Variants in HOMER1 observed in about 807,000 individuals in gnomAD.
The protein encoded by HOMER1 is homer protein homolog 1.
A neutral mutation model predicts 48.9 loss-of-function variants in HOMER1; 3 were observed. The observed-to-expected ratio is 0.06, with a 90% CI of 0.03 to 0.16. The LOEUF (loss-of-function observed/expected upper bound fraction) is 0.16, where lower values mean the gene tolerates loss of function less well. HOMER1 is among the 10% of genes least tolerant of loss of function. The probability of loss-of-function intolerance (pLI) is 1.00; values close to 1 mark genes in which losing one functional copy is unlikely to be tolerated. For synonymous variants in HOMER1, 134 were observed against 146.4 expected (o/e 0.92, Z 0.61); for missense variants, 247 against 411.4 (o/e 0.60, Z 3.46).
intron 8 of HOMER1, among the ~76,000 whole-genome samples, chr5:79,387,529 C>T (rs1749149056): frequency 6.6e-6 from 1 of 152,204 alleles, no homozygotes; most frequent in South Asian, 2.1e-4. Flanking sequence ...TGTATTATTG[C>T]CCTATAAGAC....
intron 5 of HOMER1, among the ~76,000 whole-genome samples, chr5:79,422,252 A>G (rs984852334): frequency 6.6e-6 from 1 of 152,030 alleles, no homozygotes; most frequent in African/African-American, 2.4e-5. Flanking sequence ...AAAAAAATCA[A>G]CATGACTGTG....
rs191452313 is a variant in HOMER1 at position 79,394,455 on chromosome 5, G to A, written c.876+2368C>T. 7.9e-5 allele frequency among the ~76,000 whole-genome samples: 12 copies of A among 152,252 alleles called. No individual in the cohort carries two copies. In the East Asian group the frequency reaches 1.5e-3, roughly 20 times the overall value. On this transcript the variant is annotated intron_variant, in intron 8 of 8. Coordinates refer to ENST00000334082, the MANE Select transcript of HOMER1 (RefSeq NM_004272.5). ...GGTTTTCTAAAAGCTTCCCTGTCCT[G>A]TTCTAGGTAGGTTGTTTTGATAATA...
intron 1 of HOMER1, among the ~76,000 whole-genome samples, chr5:79,479,805 T>C (rs975724464): frequency 1.3e-5 from 2 of 149,612 alleles, no homozygotes; most frequent in African/African-American, 5.1e-5. Flanking sequence ...AAAATTATTC[T>C]AAATTCTATT....
intron 1 of HOMER1, among the ~76,000 whole-genome samples, chr5:79,465,498 C>G (rs1469170625): frequency 6.8e-6 from 1 of 147,466 alleles, no homozygotes; most frequent in African/African-American, 2.5e-5. Context: ...AAGAAAATAT[C>G]AAATCTAAAA....
chr5:79,409,297 T>C (rs1369462566), intron 5 of HOMER1, among the ~76,000 whole-genome samples: 2 of 151,824 alleles, frequency 1.3e-5, no homozygotes, highest in Non-Finnish European at 2.9e-5. Context: ...CCAGGCATGG[T>C]GGTGAATACC....
At chr5:79,442,832 A>T (rs948651375) in intron 4 of HOMER1, among the ~76,000 whole-genome samples, 1 of 152,200 alleles carries the variant, frequency 6.6e-6, no homozygotes, top group African/African-American at 2.4e-5. Flanking sequence ...ACGATACATA[A>T]AGGAAGATGA....
chr5:79,481,304 C>T (rs755557141), intron 1 of HOMER1, among the ~76,000 whole-genome samples: 1 of 152,134 alleles, frequency 6.6e-6, no homozygotes, highest in Non-Finnish European at 1.5e-5. Flanking sequence ...ATAACTAAAA[C>T]ACTAGACAAA....
intron 8 of HOMER1, among the ~76,000 whole-genome samples, chr5:79,391,192 C>T (rs537910737): frequency 4.7e-5 from 7 of 148,262 alleles, no homozygotes; most frequent in Admixed American, 1.3e-4. Context: ...TGCTAAAGTG[C>T]CATGGCACAA....
At chr5:79,467,997 C>T (rs1361310497) in intron 1 of HOMER1, among the ~76,000 whole-genome samples, 1 of 152,128 alleles carries the variant, frequency 6.6e-6, no homozygotes, top group East Asian at 1.9e-4. Flanking sequence ...TGGTCTCAAA[C>T]TCCTGGGCTC....
rs936127522 is a variant in HOMER1 at position 79,483,556 on chromosome 5, A to C, written c.6-26538T>G. Among the ~76,000 whole-genome samples the C allele has an allele frequency of 5.3e-5, 8 of 152,206 alleles. No individual in the cohort carries two copies. In the East Asian group the frequency reaches 1.5e-3, roughly 29 times the overall value. Reference sequence around the variant, plus strand: ...ATAAAGATTTTCTCAGACATACAAAAGCTGAAAGAATCCATCATTAGTGGA... The same window carrying C: ...ATAAAGATTTTCTCAGACATACAAACGCTGAAAGAATCCATCATTAGTGGA... On this transcript the variant is annotated intron_variant, in intron 1 of 8. Transcript: ENST00000334082.
At chr5:79,497,650 C>CTCTG (rs1752464344) in intron 1 of HOMER1, among the ~76,000 whole-genome samples, 1 of 141,134 alleles carries the variant, frequency 7.1e-6, no homozygotes, top group South Asian at 2.3e-4. Context: ...CAGAGTAAGG[C>CTCTG]TCTGTCTCAA....
intron 1 of HOMER1, among the ~76,000 whole-genome samples, chr5:79,489,081 C>T (rs1408713413): frequency 1.3e-5 from 2 of 152,278 alleles, no homozygotes; most frequent in East Asian, 3.9e-4. Context: ...GAAACATACA[C>T]AGACTCTATT....
chr5:79,506,665 C>T (rs1167070173), intron 1 of HOMER1, among the ~76,000 whole-genome samples: 2 of 152,056 alleles, frequency 1.3e-5, no homozygotes, highest in Non-Finnish European at 2.9e-5. Flanking sequence ...GATGAAACCC[C>T]ATGCCTACAA....
intron 5 of HOMER1, among the ~76,000 whole-genome samples, chr5:79,436,638 A>G (rs988218531): frequency 1.3e-5 from 2 of 152,180 alleles, no homozygotes; most frequent in Admixed American, 1.3e-4. Context: ...GTTTCATTAC[A>G]TTTCATTTTT....
chr5:79,380,385 A>G (rs1748936991), intron 8 of HOMER1, among the ~76,000 whole-genome samples: 1 of 152,248 alleles, frequency 6.6e-6, no homozygotes, highest in African/African-American at 2.4e-5. Context: ...ACAGTGCTGT[A>G]GCTAAGGCTC....
intron 8 of HOMER1, among the ~76,000 whole-genome samples, chr5:79,380,149 G>A (rs1311609955): frequency 6.6e-6 from 1 of 152,178 alleles, no homozygotes; most frequent in African/African-American, 2.4e-5. Context: ...TAAAGGGTAA[G>A]AGAACCTCAG....
At chr5:79,422,827 CTTTTTTTTTT>C (rs556704839) in intron 5 of HOMER1, among the ~76,000 whole-genome samples, 4,055 of 121,574 alleles carry the variant, frequency 0.033, 193 homozygotes, top group African/African-American at 0.11. Flanking sequence ...AAGATGATCT[CTTTTTTTTTT>C]TTTTTTTTTG....
intron 5 of HOMER1, among the ~76,000 whole-genome samples, chr5:79,419,699 T>A (rs1750044269): frequency 6.6e-6 from 1 of 152,060 alleles, no homozygotes; most frequent in South Asian, 2.1e-4. Flanking sequence ...AGCTAAAAAA[T>A]GTTAATCTTT....
At chr5:79,495,804 G>A (rs766685344) in intron 1 of HOMER1, among the ~76,000 whole-genome samples, 8 of 152,142 alleles carry the variant, frequency 5.3e-5, no homozygotes, top group Non-Finnish European at 1.0e-4. Context: ...TTTATCATCC[G>A]CCAAATTCCA....
Sources: allele counts gnomAD v4.1 joint callset (sites outside exome capture counted in the v4.1 genomes callset), GRCh38; gene constraint gnomAD v4.1.1; transcripts MANE v1.5; gene names NCBI Gene and HGNC (gene_info 2026-07-23, HGNC 2026-07-21).